ZNF791: variants seen among roughly 807,000 people sequenced by gnomAD.
ZNF791 encodes zinc finger protein 791.
Under a neutral mutation model 11.5 loss-of-function variants are expected in ZNF791, and 4 were observed. The ratio of observed to expected loss-of-function variants is 0.35; its 90% confidence interval spans 0.17 to 0.80. ZNF791 has a LOEUF of 0.80. ZNF791 is among the 30% of genes least tolerant of loss of function. ZNF791 has a pLI of 0.53. For synonymous variants in ZNF791, 212 were observed against 228.1 expected, an observed-to-expected ratio of 0.93 and a Z score of 0.64; for missense variants, 559 against 699.4, an observed-to-expected ratio of 0.80 and a Z score of 2.26.
rs1167845212 is a variant in ZNF791 at position 12,628,856 on chromosome 19, A to G, written c.1327A>G (p.Arg443Gly). 19 of 1,613,794 alleles carry G rather than the reference A, an allele frequency of 1.2e-5. No homozygotes were observed. The highest frequency in any genetic ancestry group is 1.6e-5 in the Non-Finnish European group (19 of 1,179,968). Reference protein sequence around the residue: ...THTGDGPYKCRDCGKVFIFPS... With the variant: ...THTGDGPYKCGDCGKVFIFPS... ...CACTGGAGACGGACCTTATAAATGTAGGGACTGTGGGAAGGTGTTCATTTT... is the reference window on the plus strand; with the variant it reads ...CACTGGAGACGGACCTTATAAATGTGGGGACTGTGGGAAGGTGTTCATTTT... The change falls in exon 4 of 4, where the codon AGG becomes GGG. Residue 443 changes from arginine to glycine, a missense_variant. Coordinates refer to ENST00000343325, the MANE Select transcript of ZNF791 (RefSeq NM_153358.3).
chr19:12,624,965 A>T (rs532402153), intron 3 of ZNF791, among the ~76,000 whole-genome samples: 9 of 151,718 alleles, frequency 5.9e-5, no homozygotes, highest in African/African-American at 2.2e-4. Context: ...GCAGAGAATT[A>T]CTTGAATCCA....
At chr19:12,617,963 G>A (rs1189590546) in intron 1 of ZNF791, among the ~76,000 whole-genome samples, 2 of 147,832 alleles carry the variant, frequency 1.4e-5, no homozygotes, top group African/African-American at 5.0e-5. Context: ...TGTCGCCCAG[G>A]CTGGAGTGCA....
chr19:12,617,222 T>G (rs1233146236), intron 1 of ZNF791, among the ~76,000 whole-genome samples: 3 of 149,242 alleles, frequency 2.0e-5, no homozygotes, highest in Non-Finnish European at 4.4e-5. Flanking sequence ...GCCTCCCGGG[T>G]TCAAGCGATT....
intron 2 of ZNF791, 40 bp downstream of exon 2, chr19:12,623,866 T>A: frequency 1.0e-6 from 1 of 989,992 alleles, no homozygotes; most frequent in Non-Finnish European, 1.4e-6. Context: ...TTTTTTTTTT[T>A]TTTTGGGGGG....
chr19:12,615,158 T>C (rs2023227565), intron 1 of ZNF791, among the ~76,000 whole-genome samples: 1 of 150,548 alleles, frequency 6.6e-6, no homozygotes. Flanking sequence ...TGGGACTGCA[T>C]GCATGCACCA....
intron 1 of ZNF791, among the ~76,000 whole-genome samples, chr19:12,612,811 T>C (rs2023181950): frequency 6.7e-6 from 1 of 149,510 alleles, no homozygotes; most frequent in Non-Finnish European, 1.5e-5. Context: ...GCTGGATTTT[T>C]TTTTTTTTTT....
chr19:12,619,094 TAGGCCTCCCAA>T (rs2023292864), intron 1 of ZNF791, among the ~76,000 whole-genome samples: 1 of 152,046 alleles, frequency 6.6e-6, no homozygotes, highest in Admixed American at 6.6e-5. Context: ...TCCACCCACC[TAGGCCTCCCAA>T]AGTGCTAGGG....
intron 1 of ZNF791, among the ~76,000 whole-genome samples, chr19:12,617,149 G>A (rs1193898230): frequency 2.2e-5 from 3 of 138,680 alleles, no homozygotes; most frequent in Admixed American, 7.6e-5. Context: ...TTTTTGAGAC[G>A]GAGTCTTGCT....
intron 1 of ZNF791, among the ~76,000 whole-genome samples, chr19:12,622,356 AT>A (rs1377865833): frequency 2.1e-5 from 3 of 145,566 alleles, no homozygotes; most frequent in African/African-American, 5.0e-5. Context: ...CAATAAAAAA[AT>A]AAATTAAAAA....
At chr19:12,619,331 T>A (rs1351861012) in intron 1 of ZNF791, among the ~76,000 whole-genome samples, 1 of 152,140 alleles carries the variant, frequency 6.6e-6, no homozygotes, top group East Asian at 1.9e-4. Flanking sequence ...GGAAAAAAAT[T>A]ACTGGATCTT....
chr19:12,619,577 C>G (rs8105287), intron 1 of ZNF791, among the ~76,000 whole-genome samples: 82,707 of 150,044 alleles, frequency 0.55, 24,290 homozygotes, highest in Non-Finnish European at 0.67. Context: ...AGCCTCTCGA[C>G]TAGCTGGGAC....
chr19:12,623,566 G>A, intron 1 of ZNF791, 134 bp from the exon 2 acceptor site: 2 of 1,153,044 alleles, frequency 1.7e-6, no homozygotes, highest in Non-Finnish European at 2.5e-6. Flanking sequence ...TCAATGTGCT[G>A]TTACATTTCT....
chr19:12,612,700 C>T (rs1395848205), intron 1 of ZNF791, among the ~76,000 whole-genome samples: 1 of 150,792 alleles, frequency 6.6e-6, no homozygotes, highest in Non-Finnish European at 1.5e-5. Context: ...ACCTCATGAT[C>T]CTCCCGCCTT....
Position 12,628,038 on chromosome 19 carries a change from T to C in ZNF791, c.509T>C (p.Ile170Thr). The C allele has an allele frequency of 1.2e-6, 2 of 1,612,776 alleles. No homozygotes were observed. The highest frequency in any genetic ancestry group is 1.7e-6 in the Non-Finnish European group (2 of 1,179,482). ...YKCKQCGKTF[I>T]YHQPFQRHER... ...TGTAAACAATGTGGAAAAACCTTCA[T>C]ATATCACCAGCCCTTTCAAAGACAT... is the stretch of plus-strand genomic sequence containing the variant. Residue 170 changes from isoleucine (I) to threonine (T), a missense_variant, in exon 4 of 4, where the codon ATA becomes ACA. Coordinates refer to ENST00000343325, the MANE Select transcript of ZNF791 (RefSeq NM_153358.3).
chr19:12,629,016 A>T lies in ZNF791; in HGVS notation c.1487A>T (p.Tyr496Phe), dbSNP rs749429156. 6 of 1,613,966 alleles carry T rather than the reference A, an allele frequency of 3.7e-6. 1 individual carries two copies. In the South Asian group the frequency reaches 6.6e-5, roughly 18 times the overall value. ...HKRTHTGEKP[Y>F]ECKECGKAFI... ...AGAACTCACACTGGGGAGAAACCTT[A>T]TGAATGTAAGGAATGCGGGAAGGCC... Residue 496 changes from tyrosine to phenylalanine, a missense_variant, in exon 4 of 4, where the codon TAT becomes TTT. Coordinates refer to ENST00000343325, the MANE Select transcript of ZNF791 (RefSeq NM_153358.3).
Position 12,629,309 on chromosome 19 carries a change from T to C in ZNF791, c.*49T>C, listed in dbSNP as rs1343476641. 5 of 1,381,250 alleles carry C rather than the reference T, an allele frequency of 3.6e-6. No homozygotes were observed. The highest frequency in any genetic ancestry group is 1.5e-5 in the African/African-American group (1 of 68,830). The allele number at this position is 1,381,250 out of a possible 1,614,324, so 85.6% of individuals were successfully genotyped here. ...GGAGAAAGTTTTCAATTCTAACAGATGCTTTCAAAGTTGTGAAAATTCCCA... is the reference window on the plus strand; with the variant it reads ...GGAGAAAGTTTTCAATTCTAACAGACGCTTTCAAAGTTGTGAAAATTCCCA... On this transcript the variant is annotated 3_prime_UTR_variant, in exon 4 of 4. Transcript: ENST00000343325.
intron 1 of ZNF791, among the ~76,000 whole-genome samples, chr19:12,616,442 C>G (rs746291887): frequency 6.6e-6 from 1 of 152,170 alleles, no homozygotes; most frequent in African/African-American, 2.4e-5. Flanking sequence ...ACAAAAAGGA[C>G]GCTAGGCATG....
chr19:12,617,033 T>G (rs1568286652), intron 1 of ZNF791, among the ~76,000 whole-genome samples: 1 of 152,142 alleles, frequency 6.6e-6, no homozygotes. Flanking sequence ...AGTTTAATAG[T>G]ATAAATTTCA....
At position 12,629,204 on chromosome 19, in the gene ZNF791, A is replaced by T. The variant is rs1158649630; in HGVS notation, c.1675A>T (p.Lys559Ter). The T allele has an allele frequency of 1.3e-6, 2 of 1,566,390 alleles. No homozygotes were observed. The highest frequency in any genetic ancestry group is 1.7e-6 in the Non-Finnish European group (2 of 1,159,512). ...ACCTCTTGAATGTAAGCAATGTGGAAAAGCCTTCAGTGTGTCCACATCCTT... is the reference window on the plus strand; with the variant it reads ...ACCTCTTGAATGTAAGCAATGTGGATAAGCCTTCAGTGTGTCCACATCCTT... Reference protein sequence around the residue: ...EKPLECKQCGKAFSVSTSLKK... With the variant: ...EKPLECKQCG Residue 559 changes from lysine (K) to a stop codon, truncating the protein, a stop_gained, in exon 4 of 4, where the codon AAA becomes TAA. Transcript: ENST00000343325. LOFTEE classifies it low-confidence loss of function (END_TRUNC).
Sources: gnomAD v4.1 joint callset for allele counts (sites outside exome capture counted in the v4.1 genomes callset) on GRCh38, gnomAD v4.1.1 for gene constraint, MANE v1.5 for transcripts, NCBI Gene and HGNC (gene_info 2026-07-23, HGNC 2026-07-21) for gene names.